The following TMTC1 variants were observed in gnomAD, a reference collection of about 807,000 sequenced individuals.
TMTC1 encodes the protein protein O-mannosyl-transferase TMTC1.
TMTC1 carries 73 observed loss-of-function variants against 104.8 expected under a neutral mutation model. That is an observed-to-expected ratio of 0.70 (90% CI 0.58 to 0.85). The LOEUF (loss-of-function observed/expected upper bound fraction) is 0.85. Among genes scored for constraint, TMTC1 ranks in the 40% least tolerant of loss-of-function variants. TMTC1 has a pLI of 0.00. For missense variants in TMTC1, 1,035 were observed against 1,096.1 expected (o/e 0.94, Z 0.79); for synonymous variants, 434 against 428.7 (o/e 1.01, Z -0.15).
chr12:29,596,756 TCAAA>T (rs1457082500), intron 7 of TMTC1, among the ~76,000 whole-genome samples: 14 of 152,218 alleles, frequency 9.2e-5, no homozygotes, highest in African/African-American at 3.1e-4. Flanking sequence ...TATGAGAATT[TCAAA>T]CAAAGAATGA....
At chr12:29,609,805 T>C (rs1387660576) in intron 6 of TMTC1, 1 of 152,316 alleles carries the variant, frequency 6.6e-6, no homozygotes, top group Non-Finnish European at 1.5e-5. Context: ...TCACTCTCTC[T>C]GGGAAGCTAC....
At position 29,605,660 on chromosome 12, in the gene TMTC1, A is replaced by C. The variant is rs576653233; in HGVS notation, c.1129-1361T>G. 8.5e-5 allele frequency among the ~76,000 whole-genome samples: 13 copies of C among 152,060 alleles called. No homozygotes were observed. In the East Asian group the frequency reaches 1.9e-3, roughly 23 times the overall value. On this transcript the variant is annotated intron_variant, in intron 6 of 17. Transcript: ENST00000539277. Reference sequence around the variant, plus strand: ...ATTTAGACTATACTTTGGGTTTAGAAAGTACATTTCAATTTGAGAATTTAA... The same window carrying C: ...ATTTAGACTATACTTTGGGTTTAGACAGTACATTTCAATTTGAGAATTTAA...
chr12:29,737,781 C>A (rs1211494835), intron 5 of TMTC1, among the ~76,000 whole-genome samples: 1 of 152,124 alleles, frequency 6.6e-6, no homozygotes, highest in Admixed American at 6.5e-5. Flanking sequence ...GATATGAGCT[C>A]CCGGAGCCTT....
intron 5 of TMTC1, chr12:29,660,799 C>G: frequency 1.8e-6 from 2 of 1,127,068 alleles, no homozygotes; most frequent in Non-Finnish European, 2.4e-6. Context: ...TATATATATA[C>G]TTACATAACT....
At chr12:29,556,453 A>G (rs1945248302) in intron 10 of TMTC1, among the ~76,000 whole-genome samples, 1 of 152,194 alleles carries the variant, frequency 6.6e-6, no homozygotes, top group South Asian at 2.1e-4. Context: ...TTCCCTCCAC[A>G]CACACACAAA....
At chr12:29,526,225 T>C (rs765990977) in intron 11 of TMTC1, among the ~76,000 whole-genome samples, 4 of 152,188 alleles carry the variant, frequency 2.6e-5, no homozygotes, top group Non-Finnish European at 4.4e-5. Context: ...CCTCCTATGA[T>C]GAGTGATGGC....
chr12:29,550,274 T>C (rs892852777), intron 10 of TMTC1, among the ~76,000 whole-genome samples: 2 of 152,166 alleles, frequency 1.3e-5, no homozygotes, highest in Admixed American at 6.6e-5. Flanking sequence ...TCTAAGTTGA[T>C]GTCACGTGCA....
chr12:29,544,227 A>G (rs2136223832), intron 10 of TMTC1, among the ~76,000 whole-genome samples: 1 of 147,916 alleles, frequency 6.8e-6, no homozygotes, highest in South Asian at 2.1e-4. Flanking sequence ...GGGCAACAGA[A>G]GCAAAACTCC....
chr12:29,611,173 A>G (rs1565708661), intron 6 of TMTC1, among the ~76,000 whole-genome samples: 2 of 135,068 alleles, frequency 1.5e-5, no homozygotes, highest in African/African-American at 5.4e-5. Context: ...TTGGTTCTGA[A>G]CTTCTTTTTT....
At chr12:29,763,907 G>A (rs752549660) in intron 2 of TMTC1, among the ~76,000 whole-genome samples, 2 of 152,146 alleles carry the variant, frequency 1.3e-5, no homozygotes, top group South Asian at 2.1e-4. Flanking sequence ...TGAAGAGCAT[G>A]GAGTAAATAA....
At chr12:29,578,468 G>A (rs1945884885) in intron 8 of TMTC1, among the ~76,000 whole-genome samples, 1 of 152,062 alleles carries the variant, frequency 6.6e-6, no homozygotes. Flanking sequence ...TTATTATCAT[G>A]GAAACATCCA....
chr12:29,750,062 T>TACACACACAC (rs34859060), intron 5 of TMTC1, among the ~76,000 whole-genome samples: 3,187 of 146,594 alleles, frequency 0.022, 76 homozygotes, highest in South Asian at 0.1. Context: ...TAACTGTCTA[T>TACACACACAC]ACACACACAC....
At chr12:29,755,088 T>C (rs1333811075) in intron 4 of TMTC1, among the ~76,000 whole-genome samples, 2 of 152,218 alleles carry the variant, frequency 1.3e-5, no homozygotes, top group Non-Finnish European at 2.9e-5. Context: ...GAACTTTTAA[T>C]ATGCCTTAGT....
At chr12:29,611,469 A>G (rs1409616) in intron 6 of TMTC1, among the ~76,000 whole-genome samples, 35,113 of 152,198 alleles carry the variant, frequency 0.23, 4,935 homozygotes, top group East Asian at 0.38. Context: ...TTATTGAAAA[A>G]TATCAGTCCA....
intron 7 of TMTC1, among the ~76,000 whole-genome samples, chr12:29,595,877 C>A (rs1274463300): frequency 6.6e-6 from 1 of 152,190 alleles, no homozygotes; most frequent in Non-Finnish European, 1.5e-5. Flanking sequence ...AACAGGAAAG[C>A]TTGACAGACT....
At chr12:29,554,884 C>T (rs1945198028) in intron 10 of TMTC1, among the ~76,000 whole-genome samples, 1 of 152,084 alleles carries the variant, frequency 6.6e-6, no homozygotes, top group African/African-American at 2.4e-5. Flanking sequence ...TAAAGAAGCA[C>T]ACCGAATGTG....
At chr12:29,560,103 T>C (rs778960147) in intron 9 of TMTC1, among the ~76,000 whole-genome samples, 2 of 152,208 alleles carry the variant, frequency 1.3e-5, no homozygotes, top group Non-Finnish European at 2.9e-5. Flanking sequence ...AGATGAATAA[T>C]GTAAGAGATG....
At position 29,655,913 on chromosome 12, in the gene TMTC1, A is replaced by G. The variant is rs1159515771; in HGVS notation, c.939-22577T>C. Among the ~76,000 whole-genome samples the G allele has an allele frequency of 2.6e-5, 4 of 152,346 alleles. No homozygotes were observed. In the East Asian group the frequency reaches 7.7e-4, roughly 29 times the overall value. ...AATAACTTATTATACCTACTTTAAA[A>G]TAAGAAACAATACTTGCAAGACAGT... On this transcript the variant is annotated intron_variant, in intron 5 of 17. Transcript: ENST00000539277.
At chr12:29,774,006 G>C (rs2120588281) in intron 1 of TMTC1, among the ~76,000 whole-genome samples, 1 of 121,614 alleles carries the variant, frequency 8.2e-6, no homozygotes, top group South Asian at 3.3e-4. Context: ...GCCCTCTCTG[G>C]GAATACAGTG....
Sources: gnomAD v4.1 joint callset for allele counts (sites outside exome capture counted in the v4.1 genomes callset) on GRCh38, gnomAD v4.1.1 for gene constraint, MANE v1.5 for transcripts, NCBI Gene and HGNC (gene_info 2026-07-23, HGNC 2026-07-21) for gene names.